Variants in IL1RAPL1 observed in about 807,000 individuals in gnomAD.
IL1RAPL1 encodes interleukin 1 receptor accessory protein like 1, also known as interleukin-1 receptor accessory protein-like 1.
IL1RAPL1 carries 3 observed loss-of-function variants against 48.4 expected under a neutral mutation model. The ratio of observed to expected loss-of-function variants is 0.06; its 90% CI spans 0.03 to 0.16. The LOEUF (loss-of-function observed/expected upper bound fraction) is 0.16. Among genes scored for constraint, IL1RAPL1 ranks in the 10% least tolerant of loss-of-function variants. The pLI, the probability that IL1RAPL1 is intolerant of heterozygous loss-of-function variation, is 1.00. For synonymous variants in IL1RAPL1, 185 were observed against 187.7 expected (o/e 0.99, Z 0.12); for missense variants, 349 against 530.6 (o/e 0.66, Z 3.36).
intron 6 of IL1RAPL1, among the ~76,000 whole-genome samples, chrX:29,884,394 A>G (rs1433590574): frequency 9.1e-6 from 1 of 109,929 alleles, no homozygotes; most frequent in Non-Finnish European, 1.9e-5. Flanking sequence ...TTTCTCCATG[A>G]TACTCATCTT....
At chrX:28,803,589 A>C (rs1242550062) in intron 2 of IL1RAPL1, among the ~76,000 whole-genome samples, 1 of 112,146 alleles carries the variant, frequency 8.9e-6, no homozygotes, top group Non-Finnish European at 1.9e-5. Flanking sequence ...AAGGCATATA[A>C]TACACCCCCC....
chrX:29,491,474 C>CTAA (rs966928688), intron 5 of IL1RAPL1, among the ~76,000 whole-genome samples: 1 of 112,115 alleles, frequency 8.9e-6, no homozygotes, highest in African/African-American at 3.2e-5. Flanking sequence ...CAAATTATGG[C>CTAA]TCATTGATGA....
chrX:29,492,966 C>T (rs900235700), intron 5 of IL1RAPL1, among the ~76,000 whole-genome samples: 2 of 111,621 alleles, frequency 1.8e-5, no homozygotes, highest in East Asian at 2.8e-4. Context: ...AACAGAGCCA[C>T]GCTTCATCTC....
intron 2 of IL1RAPL1, among the ~76,000 whole-genome samples, chrX:28,881,918 A>T (rs756882694): frequency 9.0e-6 from 1 of 110,600 alleles, no homozygotes; most frequent in African/African-American, 3.3e-5. Flanking sequence ...TATGTGTATT[A>T]TGGATGTGCC....
intron 2 of IL1RAPL1, among the ~76,000 whole-genome samples, chrX:29,102,634 C>G (rs1487479184): frequency 9.3e-6 from 1 of 108,077 alleles, no homozygotes; most frequent in Non-Finnish European, 1.9e-5. Flanking sequence ...CCTTTGCACT[C>G]CAGCCTGGGC....
At chrX:29,273,140 G>T (rs1303878822) in intron 2 of IL1RAPL1, among the ~76,000 whole-genome samples, 3 of 111,533 alleles carry the variant, frequency 2.7e-5, no homozygotes, top group Non-Finnish European at 5.6e-5. Flanking sequence ...TGTCATTTCA[G>T]CCATTTCAGC....
intron 6 of IL1RAPL1, among the ~76,000 whole-genome samples, chrX:29,802,762 T>C (rs1436396690): frequency 4.5e-5 from 1 of 22,208 alleles, no homozygotes; most frequent in Non-Finnish European, 7.2e-5. Context: ...TATATATATA[T>C]ATATATATAT....
chrX:29,938,617 T>G (rs1933073392), intron 8 of IL1RAPL1, among the ~76,000 whole-genome samples: 1 of 112,408 alleles, frequency 8.9e-6, no homozygotes, highest in African/African-American at 3.2e-5. Context: ...TCACATAATA[T>G]AAAGCGTGTA....
chrX:28,950,836 G>A (rs772868710), intron 2 of IL1RAPL1, among the ~76,000 whole-genome samples: 6 of 108,365 alleles, frequency 5.5e-5, no homozygotes, highest in South Asian at 8.3e-4. Context: ...TGTTTATTGC[G>A]GCACTATTCA....
At chrX:29,678,885 T>A (rs1200075948) in intron 6 of IL1RAPL1, among the ~76,000 whole-genome samples, 2 of 108,589 alleles carry the variant, frequency 1.8e-5, no homozygotes, top group Non-Finnish European at 3.9e-5. Flanking sequence ...ACAACAAGCA[T>A]GACAAAAAGC....
At chrX:29,223,594 G>A (rs1931024275) in intron 2 of IL1RAPL1, among the ~76,000 whole-genome samples, 1 of 107,336 alleles carries the variant, frequency 9.3e-6, no homozygotes, top group Non-Finnish European at 1.9e-5. Context: ...ACCCAGGCTG[G>A]AGTGCAATGG....
chrX:29,079,376 T>C (rs191345499), intron 2 of IL1RAPL1, among the ~76,000 whole-genome samples: 69 of 111,226 alleles, frequency 6.2e-4, no homozygotes, highest in Admixed American at 1.2e-3. Context: ...CAGGCAGAGG[T>C]AATCAGGTAA....
intron 6 of IL1RAPL1, among the ~76,000 whole-genome samples, chrX:29,721,648 T>C (rs1927641047): frequency 8.9e-6 from 1 of 111,940 alleles, no homozygotes; most frequent in African/African-American, 3.2e-5. Context: ...TTTTAATCTA[T>C]AATTTATGTC....
chrX:28,766,088 C>G lies in IL1RAPL1; in HGVS notation c.-24-23232C>G, dbSNP rs6628387. 0.014 allele frequency among the ~76,000 whole-genome samples: 1,601 copies of G among 111,459 alleles called. 107 individuals are homozygous for G. In the East Asian group the frequency reaches 0.29, roughly 21 times the overall value. On this transcript the variant is annotated intron_variant, in intron 1 of 10. Transcript: ENST00000378993. ...CAATGACGTATAATCCTTTGTCATT[C>G]TTTCCCAAATTGACCCTCTGATGGG...
At chrX:29,723,283 C>G (rs139627201) in intron 6 of IL1RAPL1, among the ~76,000 whole-genome samples, 1,307 of 112,474 alleles carry the variant, frequency 0.012, 10 homozygotes, top group Middle Eastern at 0.055. Context: ...GGGTCTTGCT[C>G]TATGGCCCAG....
intron 2 of IL1RAPL1, among the ~76,000 whole-genome samples, chrX:29,060,066 A>G (rs1420970480): frequency 8.9e-6 from 1 of 112,073 alleles, no homozygotes; most frequent in Non-Finnish European, 1.9e-5. Context: ...CATTCAAACT[A>G]AAGTCTAGTT....
In IL1RAPL1 at chrX:29,956,695, AAAC is replaced by A. The variant is rs1327944286; in HGVS notation, c.*881_*883del. The stretch of plus-strand genomic sequence containing the variant: ...TATATATAAATATAAATATATATAA[AAAC>A]AACAAAACAAAACAAAAAAAGAAAA... On this transcript the variant is annotated 3_prime_UTR_variant, in exon 11 of 11. Coordinates refer to ENST00000378993, the MANE Select transcript of IL1RAPL1 (RefSeq NM_014271.4). 2 of 104,234 alleles carry A rather than the reference AAAC, an allele frequency of 1.9e-5. No homozygotes were observed. The highest frequency in any genetic ancestry group is 7.0e-5 in the African/African-American group (2 of 28,682). The allele number at this position is 104,234 out of a possible 1,213,427, so 8.6% of individuals were successfully genotyped here.
chrX:29,831,308 A>G (rs745325423), intron 6 of IL1RAPL1, among the ~76,000 whole-genome samples: 10 of 111,377 alleles, frequency 9.0e-5, no homozygotes, highest in Non-Finnish European at 1.3e-4. Context: ...AAGTCCCCCC[A>G]TGGAACTCAG....
At chrX:29,828,299 C>A (rs1423736305) in intron 6 of IL1RAPL1, among the ~76,000 whole-genome samples, 1 of 111,712 alleles carries the variant, frequency 9.0e-6, no homozygotes, top group Admixed American at 9.5e-5. Flanking sequence ...AGAAGAGAGT[C>A]ATGAACTGCT....
Sources: gnomAD v4.1 joint callset for allele counts (sites outside exome capture counted in the v4.1 genomes callset) on GRCh38, gnomAD v4.1.1 for gene constraint, MANE v1.5 for transcripts, NCBI Gene and HGNC (gene_info 2026-07-23, HGNC 2026-07-21) for gene names.